PLK1: variants seen among roughly 807,000 people sequenced by gnomAD.
PLK1 encodes polo like kinase 1.
Under a neutral mutation model 56.7 loss-of-function variants are expected in PLK1, and 6 were observed. The ratio of observed to expected loss-of-function variants is 0.11; its 90% CI spans 0.06 to 0.21. The LOEUF is 0.21. Ranked by LOEUF, PLK1 falls within the 10% of genes least tolerant of loss-of-function variation. PLK1 has a pLI of 1.00. For missense variants in PLK1, 546 were observed against 814.4 expected (o/e 0.67, Z 4.01); for synonymous variants, 298 against 325.0 (o/e 0.92, Z 0.89).
chr16:23,687,601 CGGA>C lies in PLK1; in HGVS notation c.1171_1173del (p.Glu391del). On this transcript the variant is annotated inframe_deletion, in exon 6 of 10. Transcript: ENST00000300093. ...CACAGTGTCAATGCCTCCAAGCCCT[CGGA>C]GCGTGGGCTGGTCAGGCAAGGTGGG... is the stretch of plus-strand genomic sequence containing the variant. 6.3e-7 allele frequency: 1 copy of C among 1,592,578 alleles called. No homozygotes were observed. The highest frequency in any genetic ancestry group is 2.3e-5 in the East Asian group (1 of 43,678).
intron 5 of PLK1, among the ~76,000 whole-genome samples, chr16:23,685,236 A>G (rs1390868494): frequency 6.6e-6 from 1 of 151,874 alleles, no homozygotes; most frequent in African/African-American, 2.4e-5. Flanking sequence ...ACAACAACAA[A>G]AAACTCCCCA....
At chr16:23,682,220 C>A (rs1367719173) in intron 4 of PLK1, 63 bp downstream of exon 4, 1 of 895,008 alleles carries the variant, frequency 1.1e-6, no homozygotes, top group East Asian at 2.4e-5. Context: ...TTATGGAGCC[C>A]AGCAATATCC....
At chr16:23,684,983 TTTTTTTTTTTTTTTTTG>T in intron 5 of PLK1, among the ~76,000 whole-genome samples, 1 of 125,720 alleles carries the variant, frequency 8.0e-6, no homozygotes, top group African/African-American at 3.0e-5. Flanking sequence ...TTTTTTTTTT[TTTTTTTTTTTTTTTTTG>T]AGACAGGGTC....
intron 5 of PLK1, among the ~76,000 whole-genome samples, chr16:23,684,986 T>G (rs1289395180): frequency 8.2e-6 from 1 of 121,904 alleles, no homozygotes; most frequent in African/African-American, 3.5e-5. Flanking sequence ...TTTTTTTTTT[T>G]TTTTTTTTTT....
chr16:23,684,762 G>A (rs563083214), intron 5 of PLK1, among the ~76,000 whole-genome samples: 1 of 151,720 alleles, frequency 6.6e-6, no homozygotes, highest in Admixed American at 6.6e-5. Flanking sequence ...GGTTCACGCC[G>A]TTCTCCTGCC....
rs1220312704 is a variant in PLK1 at position 23,689,392 on chromosome 16, G to A, written c.1425G>A (p.Lys475=). The A allele has an allele frequency of 6.2e-7, 1 of 1,607,392 alleles. No individual in the cohort carries two copies. The highest frequency in any genetic ancestry group is 1.7e-4 in the Middle Eastern group (1 of 6,044). The change falls in exon 8 of 10, where the codon AAG becomes AAA. Residue 475 remains lysine, a splice_region_variant and synonymous_variant. Transcript: ENST00000300093. The surrounding 1 kb of genome is among the most constrained non-coding windows in gnomAD (Gnocchi z 4.8). ...VSSHPNSLMK[K]ITLLKYFRNY... ...CCCATCCCAACTCCTTGATGAAGAA[G>A]GTGAGTGCCGTCCGGCCCATGGGGG...
chr16:23,689,850 T>G lies in PLK1; in HGVS notation c.1609-10T>G. The G allele has an allele frequency of 1.9e-6, 3 of 1,611,912 alleles. No individual in the cohort carries two copies. Among genetic ancestry groups the G allele is most frequent in the Non-Finnish European group, 2.5e-6 (3 of 1,178,166 alleles). ...TGGGATCGCCAACCCCTGCTGCTCT[T>G]CTCTTGCAGGATCACACCAAGCTCA... On this transcript the variant is annotated splice_polypyrimidine_tract_variant and intron_variant, in intron 9 of 9. Transcript: ENST00000300093. This position sits in a 1 kb window ranked among gnomAD's most constrained non-coding sequence, Gnocchi z 4.8.
At chr16:23,685,737 AG>A (rs1959418107) in intron 5 of PLK1, among the ~76,000 whole-genome samples, 2 of 151,958 alleles carry the variant, frequency 1.3e-5, no homozygotes, top group African/African-American at 4.8e-5. Flanking sequence ...TTTTTTGTAA[AG>A]ACAAGATCTC....
chr16:23,680,265 G>C lies in PLK1; in HGVS notation c.577+13G>C. The C allele has an allele frequency of 1.2e-6, 2 of 1,613,184 alleles. No individual in the cohort carries two copies. Among genetic ancestry groups the C allele is most frequent in the Non-Finnish European group, 1.7e-6 (2 of 1,179,204 alleles). Reference sequence around the variant, plus strand: ...GAGGTGAAAATAGGTGAGTTGCTGAGCCTGCAGGGGTGCTTGACATCACTA... The same window carrying C: ...GAGGTGAAAATAGGTGAGTTGCTGACCCTGCAGGGGTGCTTGACATCACTA... On this transcript the variant is annotated intron_variant, in intron 2 of 9. Coordinates refer to ENST00000300093, the MANE Select transcript of PLK1 (RefSeq NM_005030.6).
Position 23,682,159 on chromosome 16 carries a change from T to TG in PLK1, c.816+3dup. ...AAGAATGAATACAGTATTCCCAAGGTGACTAATGATGCTTTAAGTTTACAT... is the reference window on the plus strand; with the variant it reads ...AAGAATGAATACAGTATTCCCAAGGTGGACTAATGATGCTTTAAGTTTACAT... On this transcript the variant is annotated splice_region_variant and intron_variant, in intron 4 of 9. Transcript: ENST00000300093. 7.1e-7 allele frequency: 1 copy of TG among 1,415,836 alleles called. No homozygotes were observed. Among genetic ancestry groups the TG allele is most frequent in the Non-Finnish European group, 1.0e-6 (1 of 1,000,144 alleles). 87.7% of individuals were successfully genotyped at this position (1,415,836 alleles called of 1,614,324 possible).
chr16:23,688,640 A>G (rs1959470659), intron 6 of PLK1, 28 bp from the exon 7 acceptor site: 2 of 1,580,854 alleles, frequency 1.3e-6, no homozygotes, highest in East Asian at 2.2e-5. Flanking sequence ...GTCCTGACCA[A>G]CTAACTGTCT....
intron 4 of PLK1, among the ~76,000 whole-genome samples, chr16:23,683,127 A>G (rs1959365071): frequency 6.6e-6 from 1 of 151,616 alleles, no homozygotes; most frequent in Non-Finnish European, 1.5e-5. Context: ...AGTAGCTGGA[A>G]CTACAGGCAC....
chr16:23,679,714 G>C (rs577948714), intron 1 of PLK1: 2 of 273,884 alleles, frequency 7.3e-6, no homozygotes, highest in Non-Finnish European at 6.9e-6. Flanking sequence ...CTGGGTCAGT[G>C]GGGGGGTAGT....
intron 5 of PLK1, 92 bp downstream of exon 5, chr16:23,684,181 C>A: frequency 1.0e-6 from 1 of 973,902 alleles, no homozygotes; most frequent in Non-Finnish European, 1.6e-6. Flanking sequence ...CCTGAGAGCT[C>A]AGGTGTGGAG....
intron 6 of PLK1, 57 bp from the exon 7 acceptor site, chr16:23,688,611 A>G: frequency 7.5e-7 from 1 of 1,325,012 alleles, no homozygotes; most frequent in Non-Finnish European, 1.1e-6. Flanking sequence ...ACATGTGTGG[A>G]GCAGAGGGGA....
At position 23,679,043 on chromosome 16, in the gene PLK1, G is replaced by A. The variant is rs772172896; in HGVS notation, c.111G>A (p.Ala37=). ...APGAPAAAPP[A]KEIPEVLVDP... is the part of the protein sequence containing the mutation. ...GAGCTCCGGCGGCGGCTCCACCGGC[G>A]AAAGAGATCCCGGAGGTCCTAGTGG... The change falls in exon 1 of 10, where the codon GCG becomes GCA. Residue 37 remains alanine, a synonymous_variant. Transcript: ENST00000300093. 1.2e-6 allele frequency: 2 copies of A among 1,607,988 alleles called. No individual in the cohort carries two copies. The highest frequency in any genetic ancestry group is 1.7e-6 in the Non-Finnish European group (2 of 1,176,474).
chr16:23,679,448 C>G, intron 1 of PLK1, 108 bp downstream of exon 1: 1 of 1,097,068 alleles, frequency 9.1e-7, no homozygotes. Context: ...GGACTTGGAG[C>G]TGCTAGAGAA....
At chr16:23,688,052 G>A (rs1261663210) in intron 6 of PLK1, among the ~76,000 whole-genome samples, 3 of 152,144 alleles carry the variant, frequency 2.0e-5, no homozygotes, top group Admixed American at 6.5e-5. Context: ...CTCTGCTGGT[G>A]CTTCTCATCC....
rs1425746990 is a variant in PLK1 at position 23,689,883 on chromosome 16, C to T, written c.1632C>T (p.Cys544=). Residue 544 remains cysteine, a synonymous_variant, in exon 10 of 10, where the codon TGC becomes TGT. Transcript: ENST00000300093. This position sits in a 1 kb window ranked among gnomAD's most constrained non-coding sequence, Gnocchi z 4.8. ...AGGATCACACCAAGCTCATCTTGTG[C>T]CCACTGATGGCAGCCGTGACCTACA... The part of the protein sequence containing the change: ...FFQDHTKLIL[C]PLMAAVTYID... 1.9e-6 allele frequency: 3 copies of T among 1,613,798 alleles called. No homozygotes were observed. The highest frequency in any genetic ancestry group is 2.5e-6 in the Non-Finnish European group (3 of 1,179,836).
Sources: gnomAD v4.1 joint callset for allele counts (sites outside exome capture counted in the v4.1 genomes callset) on GRCh38, gnomAD v4.1.1 for gene constraint, Gnocchi (gnomAD v3.1) non-coding constraint, MANE v1.5 for transcripts, NCBI Gene and HGNC (gene_info 2026-07-23, HGNC 2026-07-21) for gene names.